Variants in MCTP1 observed in about 807,000 individuals in gnomAD.
MCTP1 encodes multiple C2 and transmembrane domain-containing protein 1.
Under a neutral mutation model 120.6 loss-of-function variants are expected in MCTP1, and 69 were observed. That is an observed-to-expected ratio of 0.57 (90% confidence interval 0.47 to 0.70). MCTP1 has a LOEUF of 0.70. Among genes scored for constraint, MCTP1 ranks in the 30% least tolerant of loss-of-function variants. The pLI, the probability that MCTP1 is intolerant of heterozygous loss-of-function variation, is 0.00. For missense variants in MCTP1, 1,203 were observed against 1,248.8 expected (o/e 0.96, Z 0.55); for synonymous variants, 529 against 493.1 (o/e 1.07, Z -0.96).
intron 2 of MCTP1, among the ~76,000 whole-genome samples, chr5:94,970,000 T>C (rs1015860492): frequency 2.0e-5 from 3 of 152,088 alleles, no homozygotes; most frequent in African/African-American, 7.2e-5. Context: ...GGTGGCTTCA[T>C]ATAATAAAAT....
intron 1 of MCTP1, among the ~76,000 whole-genome samples, chr5:95,282,715 TTTTG>T: frequency 6.6e-6 from 1 of 152,230 alleles, no homozygotes; most frequent in Non-Finnish European, 1.5e-5. Context: ...CAGCAAGCAA[TTTTG>T]TTTATTAAGG....
In MCTP1 at chr5:94,924,054, A is replaced by T. The variant is rs1812385014; in HGVS notation, c.1213-33T>A. On this transcript the variant is annotated intron_variant, in intron 6 of 22. Coordinates refer to ENST00000515393, the MANE Select transcript of MCTP1 (RefSeq NM_024717.7). ...CAAACAAATATTTAGCTACATTTTG[A>T]GATGTTTTTGAGAATAATTAATATT... The T allele has an allele frequency of 4.6e-6, 6 of 1,309,588 alleles. No individual in the cohort carries two copies. In the South Asian group the frequency reaches 9.3e-5, roughly 20 times the overall value. 81.1% of individuals were successfully genotyped at this position (1,309,588 alleles called of 1,614,324 possible).
chr5:95,005,148 G>T (rs1562002830), intron 2 of MCTP1, among the ~76,000 whole-genome samples: 1 of 152,082 alleles, frequency 6.6e-6, no homozygotes, highest in Non-Finnish European at 1.5e-5. Context: ...TGCCCTGCTG[G>T]GTTTCAGAAT....
intron 11 of MCTP1, among the ~76,000 whole-genome samples, chr5:94,889,290 G>A (rs539918986): frequency 7.9e-5 from 12 of 151,978 alleles, no homozygotes; most frequent in Non-Finnish European, 1.6e-4. Context: ...TCAAATTGAT[G>A]ACTAAAAATA....
chr5:95,191,302 C>T (rs575421101), intron 1 of MCTP1, among the ~76,000 whole-genome samples: 2 of 151,874 alleles, frequency 1.3e-5, no homozygotes, highest in Admixed American at 1.3e-4. Context: ...ATATTTGTAC[C>T]CATTTGTATT....
chr5:95,073,086 C>T (rs998153320), intron 1 of MCTP1, among the ~76,000 whole-genome samples: 5 of 152,136 alleles, frequency 3.3e-5, no homozygotes, highest in Non-Finnish European at 7.4e-5. Flanking sequence ...CACTTTGCTC[C>T]TTGTTACAGC....
At chr5:94,955,775 T>C (rs1331179079) in intron 2 of MCTP1, among the ~76,000 whole-genome samples, 1 of 152,146 alleles carries the variant, frequency 6.6e-6, no homozygotes, top group Non-Finnish European at 1.5e-5. Flanking sequence ...ATCAGGAGTT[T>C]ATAGATAAAA....
intron 1 of MCTP1, among the ~76,000 whole-genome samples, chr5:95,109,433 A>G (rs190993936): frequency 3.9e-5 from 6 of 152,302 alleles, no homozygotes; most frequent in Non-Finnish European, 5.9e-5. Flanking sequence ...CTCACCAAGG[A>G]AACGCTTGAT....
intron 19 of MCTP1, among the ~76,000 whole-genome samples, chr5:94,726,906 T>C (rs760990300): frequency 1.3e-5 from 2 of 152,186 alleles, no homozygotes; most frequent in Non-Finnish European, 2.9e-5. Context: ...AAACTAACCT[T>C]GAGTTATAAT....
At chr5:95,028,068 A>C (rs1320068874) in intron 1 of MCTP1, among the ~76,000 whole-genome samples, 1 of 152,238 alleles carries the variant, frequency 6.6e-6, no homozygotes, top group Admixed American at 6.5e-5. Context: ...AATGCTCTGC[A>C]GCTACTAAGT....
At chr5:95,089,576 T>C (rs1755691944) in intron 1 of MCTP1, among the ~76,000 whole-genome samples, 2 of 152,206 alleles carry the variant, frequency 1.3e-5, no homozygotes, top group African/African-American at 4.8e-5. Context: ...TCTATTTAAA[T>C]AGTGAGGAAA....
chr5:94,760,505 C>G (rs978977849), intron 19 of MCTP1, among the ~76,000 whole-genome samples: 1 of 152,120 alleles, frequency 6.6e-6, no homozygotes, highest in South Asian at 2.1e-4. Flanking sequence ...GTCCTCTTCC[C>G]AAATCATTGC....
intron 2 of MCTP1, among the ~76,000 whole-genome samples, chr5:95,014,750 C>T (rs1234275207): frequency 6.6e-6 from 1 of 152,128 alleles, no homozygotes; most frequent in Non-Finnish European, 1.5e-5. Flanking sequence ...AAAGCAACAG[C>T]AGGGTCTGAG....
At chr5:95,034,613 G>C (rs1306955458) in intron 1 of MCTP1, among the ~76,000 whole-genome samples, 1 of 151,752 alleles carries the variant, frequency 6.6e-6, no homozygotes, top group Non-Finnish European at 1.5e-5. Flanking sequence ...CCTCAAACTA[G>C]AAAAATCCTA....
At chr5:94,743,631 ATTTTTTTTT>A (rs34620641) in intron 19 of MCTP1, among the ~76,000 whole-genome samples, 408 of 86,696 alleles carry the variant, frequency 4.7e-3, no homozygotes, top group African/African-American at 0.019. Flanking sequence ...CAAAATCCAC[ATTTTTTTTT>A]TTTTTTTTTT....
intron 2 of MCTP1, among the ~76,000 whole-genome samples, chr5:94,983,129 A>C (rs309801): frequency 0.5 from 75,346 of 151,696 alleles, 20,375 homozygotes; most frequent in African/African-American, 0.73. Context: ...AAAACAGACT[A>C]ATAGCCACGA....
intron 1 of MCTP1, among the ~76,000 whole-genome samples, chr5:95,077,496 G>C (rs930019088): frequency 1.3e-5 from 2 of 150,132 alleles, no homozygotes; most frequent in Admixed American, 1.3e-4. Flanking sequence ...TTTTTGAGAC[G>C]GAGTCCCACT....
At chr5:94,977,118 T>A (rs1053072879) in intron 2 of MCTP1, among the ~76,000 whole-genome samples, 9 of 152,122 alleles carry the variant, frequency 5.9e-5, no homozygotes, top group Non-Finnish European at 1.2e-4. Context: ...GCAAGTCAAG[T>A]AACATTGCAG....
At chr5:95,077,475 TACTTTTTTTTTTTTTGAGACG>T (rs903725844) in intron 1 of MCTP1, among the ~76,000 whole-genome samples, 1 of 151,926 alleles carries the variant, frequency 6.6e-6, no homozygotes, top group Non-Finnish European at 1.5e-5. Context: ...TCATTATATA[TACTTTTTTTTTTTTTGAGACG>T]GAGTCCCACT....
Sources: allele counts gnomAD v4.1 joint callset (sites outside exome capture counted in the v4.1 genomes callset), GRCh38; gene constraint gnomAD v4.1.1; transcripts MANE v1.5; gene names NCBI Gene and HGNC (gene_info 2026-07-23, HGNC 2026-07-21).